The following GRIA1 variants were observed in gnomAD, a reference collection of about 807,000 sequenced individuals.
The protein encoded by GRIA1 is glutamate ionotropic receptor AMPA type subunit 1, also known as glutamate receptor 1.
GRIA1 carries 31 observed loss-of-function variants against 99.2 expected under a neutral mutation model. That is an observed-to-expected ratio of 0.31 (90% CI 0.23 to 0.42). GRIA1 has a LOEUF of 0.42. Ranked by LOEUF, GRIA1 falls within the 10% of genes least tolerant of loss-of-function variation. The pLI, the probability that GRIA1 is intolerant of heterozygous loss-of-function variation, is 1.00. For missense variants in GRIA1, 782 were observed against 1,157.5 expected (o/e 0.68, Z 4.71); for synonymous variants, 438 against 432.4 (o/e 1.01, Z -0.16).
chr5:153,674,414 A>C, intron 5 of GRIA1, 86 bp from the exon 6 acceptor site: 1 of 1,461,294 alleles, frequency 6.8e-7, no homozygotes, highest in Non-Finnish European at 9.5e-7. Flanking sequence ...GGTGGAACTG[A>C]ATGGAAAATC....
intron 11 of GRIA1, among the ~76,000 whole-genome samples, chr5:153,741,428 C>T (rs1365161809): frequency 2.6e-5 from 4 of 152,158 alleles, no homozygotes; most frequent in African/African-American, 9.7e-5. Context: ...TAATTGAAAT[C>T]AGCATTTTGA....
chr5:153,586,163 T>A (rs913318132), intron 2 of GRIA1, among the ~76,000 whole-genome samples: 1 of 152,236 alleles, frequency 6.6e-6, no homozygotes, highest in African/African-American at 2.4e-5. Flanking sequence ...AATTATCATA[T>A]TTATTTGTTT....
At chr5:153,741,699 T>C (rs1761800559) in intron 11 of GRIA1, among the ~76,000 whole-genome samples, 1 of 152,036 alleles carries the variant, frequency 6.6e-6, no homozygotes, top group Non-Finnish European at 1.5e-5. Context: ...ATATCTACAA[T>C]AGTCAAATGC....
rs184195033 is a variant in GRIA1 at position 153,725,004 on chromosome 5, C to T, written c.1823+18937C>T. Reference sequence around the variant, plus strand: ...GTTAAGGGCAGCCAGAGAGAAAGGTCGGCTTACCCACAAAGGGAAGCCCAT... The same window carrying T: ...GTTAAGGGCAGCCAGAGAGAAAGGTTGGCTTACCCACAAAGGGAAGCCCAT... On this transcript the variant is annotated intron_variant, in intron 11 of 15. Coordinates refer to ENST00000285900, the MANE Select transcript of GRIA1 (RefSeq NM_000827.4). Among the ~76,000 whole-genome samples, 1,308 of 152,138 alleles carry T rather than the reference C, an allele frequency of 8.6e-3. 7 individuals carry two copies. Among genetic ancestry groups the T allele is most frequent in the Middle Eastern group, 0.014 (4 of 294 alleles).
intron 8 of GRIA1, among the ~76,000 whole-genome samples, chr5:153,686,820 A>T (rs1435345282): frequency 2.0e-5 from 3 of 152,220 alleles, no homozygotes; most frequent in Non-Finnish European, 4.4e-5. Flanking sequence ...TTGCATATGA[A>T]AATTCTTAGA....
At chr5:153,518,491 C>T (rs1429141039) in intron 2 of GRIA1, among the ~76,000 whole-genome samples, 1 of 152,100 alleles carries the variant, frequency 6.6e-6, no homozygotes, top group Non-Finnish European at 1.5e-5. Flanking sequence ...GGGATACAGA[C>T]ATGAAAAATA....
At chr5:153,739,207 C>T (rs1761607920) in intron 11 of GRIA1, among the ~76,000 whole-genome samples, 1 of 152,166 alleles carries the variant, frequency 6.6e-6, no homozygotes, top group Non-Finnish European at 1.5e-5. Context: ...CTGCACCTTT[C>T]CACCAAGGAT....
chr5:153,647,665 A>T (rs374592273), intron 3 of GRIA1, among the ~76,000 whole-genome samples: 2 of 152,326 alleles, frequency 1.3e-5, no homozygotes, highest in South Asian at 4.1e-4. Context: ...AGTGCCTACA[A>T]CATAGTAAAA....
At chr5:153,679,439 T>C (rs889237744) in intron 7 of GRIA1, among the ~76,000 whole-genome samples, 10 of 152,260 alleles carry the variant, frequency 6.6e-5, no homozygotes, top group African/African-American at 2.4e-4. Context: ...TCCCTCACTT[T>C]ATAATGAAAC....
intron 14 of GRIA1, among the ~76,000 whole-genome samples, chr5:153,796,604 A>C (rs1362409292): frequency 4.6e-5 from 7 of 152,214 alleles, no homozygotes; most frequent in African/African-American, 1.7e-4. Flanking sequence ...AAGAGAATTG[A>C]AAAGAGAATG....
At chr5:153,623,475 C>G (rs1387780332) in intron 2 of GRIA1, among the ~76,000 whole-genome samples, 2 of 152,080 alleles carry the variant, frequency 1.3e-5, no homozygotes, top group African/African-American at 4.8e-5. Flanking sequence ...ATGGAGCATT[C>G]AGTAAAAAAG....
chr5:153,602,920 T>A (rs1765114630), intron 2 of GRIA1, among the ~76,000 whole-genome samples: 1 of 152,208 alleles, frequency 6.6e-6, no homozygotes, highest in African/African-American at 2.4e-5. Context: ...TTCAGGCTGG[T>A]AAACTGTCAT....
chr5:153,603,164 C>T (rs1765141312), intron 2 of GRIA1, among the ~76,000 whole-genome samples: 1 of 151,632 alleles, frequency 6.6e-6, no homozygotes, highest in Non-Finnish European at 1.5e-5. Flanking sequence ...TGAGTGAGAA[C>T]ATGCAGTGTT....
chr5:153,632,637 C>T (rs73287716), intron 2 of GRIA1, among the ~76,000 whole-genome samples: 4,995 of 152,182 alleles, frequency 0.033, 272 homozygotes, highest in African/African-American at 0.11. Context: ...TTGATCCTCA[C>T]GGCGCATAAG....
intron 4 of GRIA1, among the ~76,000 whole-genome samples, chr5:153,652,773 T>C (rs1258949150): frequency 6.6e-6 from 1 of 152,238 alleles, no homozygotes; most frequent in Non-Finnish European, 1.5e-5. Context: ...TTACATTTTA[T>C]AGATAGAATG....
chr5:153,495,863 G>A (rs925447941), intron 2 of GRIA1, among the ~76,000 whole-genome samples: 6 of 152,148 alleles, frequency 3.9e-5, no homozygotes, highest in Non-Finnish European at 7.4e-5. Flanking sequence ...TTGGTTGGGG[G>A]CATCAGTGTA....
At position 153,655,830 on chromosome 5, in the gene GRIA1, A is replaced by C. The variant is rs1754903484; in HGVS notation, c.657A>C (p.Leu219=). The C allele has an allele frequency of 6.2e-7, 1 of 1,612,990 alleles. No individual in the cohort carries two copies. Among genetic ancestry groups the C allele is most frequent in the Admixed American group, 1.7e-5 (1 of 59,964 alleles). ...ATTATGTTTTGTAGATTATAAAGCT[A>C]GAGAAGAATGGCATCGGCTACCACT... ...LNAILGQIIK[L]EKNGIGYHYI... is the part of the protein sequence containing the mutation. The change falls in exon 5 of 16, where the codon CTA becomes CTC. Residue 219 remains leucine, a synonymous_variant. Transcript: ENST00000285900.
chr5:153,558,346 A>G (rs1251269798), intron 2 of GRIA1, among the ~76,000 whole-genome samples: 1 of 152,200 alleles, frequency 6.6e-6, no homozygotes, highest in Non-Finnish European at 1.5e-5. Context: ...TATATAAAAT[A>G]TTTTAATTAT....
intron 7 of GRIA1, among the ~76,000 whole-genome samples, chr5:153,680,705 TG>T (rs1756915253): frequency 6.6e-6 from 1 of 152,090 alleles, no homozygotes; most frequent in African/African-American, 2.4e-5. Context: ...AGATGGGGTC[TG>T]GGGTTGGGTG....
Sources: allele counts gnomAD v4.1 joint callset (sites outside exome capture counted in the v4.1 genomes callset), GRCh38; gene constraint gnomAD v4.1.1; transcripts MANE v1.5; gene names NCBI Gene and HGNC (gene_info 2026-07-23, HGNC 2026-07-21).